Variants in SSU72 observed in about 807,000 individuals in gnomAD.
SSU72 encodes the protein RNA polymerase II subunit A C-terminal domain phosphatase SSU72.
In SSU72, 12 loss-of-function variants were observed where a neutral mutation model predicts 22.7. That is an observed-to-expected ratio of 0.53 (90% CI 0.34 to 0.86). The LOEUF (loss-of-function observed/expected upper bound fraction) is 0.86, where lower values mean the gene tolerates loss of function less well. Among genes scored for constraint, SSU72 ranks in the 40% least tolerant of loss-of-function variants. SSU72 has a pLI of 0.02. For synonymous variants in SSU72, 116 were observed against 98.3 expected, an observed-to-expected ratio of 1.18 and a Z score of -1.06; for missense variants, 151 against 249.8, an observed-to-expected ratio of 0.60 and a Z score of 2.67.
intron 1 of SSU72, among the ~76,000 whole-genome samples, chr1:1,570,671 A>C (rs989470454): frequency 1.3e-5 from 2 of 152,236 alleles, no homozygotes; most frequent in Non-Finnish European, 2.9e-5. Context: ...TCGTGGCAAA[A>C]AAAGGAAACT....
At chr1:1,548,567 A>AC (rs1469481261) in intron 2 of SSU72, among the ~76,000 whole-genome samples, 2 of 151,334 alleles carry the variant, frequency 1.3e-5, no homozygotes, top group African/African-American at 4.8e-5. Flanking sequence ...AAAAAAAAAA[A>AC]AAAAAAAAAC....
intron 2 of SSU72, among the ~76,000 whole-genome samples, chr1:1,557,178 C>T (rs1179351641): frequency 2.6e-5 from 4 of 152,160 alleles, no homozygotes; most frequent in South Asian, 2.1e-4. Flanking sequence ...TTTGGGTGGC[C>T]GAGGCGGGTG....
chr1:1,549,654 T>C (rs944748220), intron 2 of SSU72, among the ~76,000 whole-genome samples: 3 of 150,932 alleles, frequency 2.0e-5, no homozygotes, highest in Middle Eastern at 3.5e-3. Context: ...GCCTGACCAA[T>C]ATGGCAAAAC....
At chr1:1,572,310 C>T (rs1465140830) in intron 1 of SSU72, among the ~76,000 whole-genome samples, 1 of 140,804 alleles carries the variant, frequency 7.1e-6, no homozygotes, top group African/African-American at 2.6e-5. Context: ...CGCCTGTAGT[C>T]CCAGCTACTC....
At chr1:1,561,516 G>A (rs1283744926) in intron 2 of SSU72, 1 of 152,274 alleles carries the variant, frequency 6.6e-6, no homozygotes, top group Admixed American at 6.5e-5. Context: ...CTGTGGGGCA[G>A]ATTTGCTTTC....
chr1:1,574,198 C>A (rs957684641), intron 1 of SSU72, among the ~76,000 whole-genome samples: 3 of 152,170 alleles, frequency 2.0e-5, no homozygotes, highest in Admixed American at 2.0e-4. Context: ...CGCAGCCCCT[C>A]GCCGCGGACG....
intron 1 of SSU72, among the ~76,000 whole-genome samples, chr1:1,571,679 CCACTCTGAA>C (rs1400008162): frequency 6.6e-6 from 1 of 152,168 alleles, no homozygotes; most frequent in Non-Finnish European, 1.5e-5. Flanking sequence ...CGGCCACTGG[CCACTCTGAA>C]CTAAAAAGGA....
At chr1:1,565,647 G>A (rs1416332633) in intron 1 of SSU72, among the ~76,000 whole-genome samples, 2 of 152,264 alleles carry the variant, frequency 1.3e-5, no homozygotes, top group Non-Finnish European at 2.9e-5. Context: ...CATGGGAACC[G>A]AGACCCAACA....
Position 1,574,474 on chromosome 1 carries a change from C to A in SSU72, c.80+4G>T. On this transcript the variant is annotated splice_donor_region_variant and intron_variant, in intron 1 of 4. Coordinates refer to ENST00000291386, the MANE Select transcript of SSU72 (RefSeq NM_014188.3). ...CGCGCGGGGACAGGGTGGAGCCCAACTACCTGAGGATGTTGTGCGCCTCCA... is the reference window on the plus strand; with the variant it reads ...CGCGCGGGGACAGGGTGGAGCCCAAATACCTGAGGATGTTGTGCGCCTCCA... The A allele has an allele frequency of 6.3e-7, 1 of 1,594,528 alleles. No individual in the cohort carries two copies. The highest frequency in any genetic ancestry group is 8.5e-7 in the Non-Finnish European group (1 of 1,172,676).
chr1:1,550,243 G>A (rs1642440025), intron 2 of SSU72, among the ~76,000 whole-genome samples: 1 of 150,866 alleles, frequency 6.6e-6, no homozygotes, highest in Non-Finnish European at 1.5e-5. Flanking sequence ...AAGTCCACAT[G>A]CCACCCAACC....
chr1:1,568,215 T>A (rs1245114461), intron 1 of SSU72, among the ~76,000 whole-genome samples: 1 of 152,244 alleles, frequency 6.6e-6, no homozygotes, highest in Non-Finnish European at 1.5e-5. Context: ...AAAACACTCC[T>A]GACACCAACA....
intron 2 of SSU72, among the ~76,000 whole-genome samples, chr1:1,551,351 C>T (rs753685010): frequency 6.6e-5 from 10 of 152,232 alleles, no homozygotes; most frequent in Non-Finnish European, 1.0e-4. Context: ...ATGGGGAGGA[C>T]CCCAGAGGCT....
intron 1 of SSU72, 68 bp downstream of exon 1, chr1:1,574,410 G>T: frequency 2.0e-6 from 3 of 1,506,732 alleles, no homozygotes; most frequent in South Asian, 2.4e-5. Flanking sequence ...CGGGCCAGGG[G>T]GAACCGGGGA....
chr1:1,548,584 G>C (rs1002917639), intron 2 of SSU72, among the ~76,000 whole-genome samples: 4 of 150,996 alleles, frequency 2.6e-5, no homozygotes, highest in African/African-American at 9.7e-5. Context: ...AAACTCCCAA[G>C]GATGGGCCAA....
intron 2 of SSU72, chr1:1,545,968 T>C (rs3766177): frequency 0.26 from 39,771 of 152,158 alleles, 5,508 homozygotes; most frequent in East Asian, 0.49. Context: ...GGGTGAACGC[T>C]GACACACACC....
chr1:1,549,072 C>G (rs1038167826), intron 2 of SSU72, among the ~76,000 whole-genome samples: 1 of 151,762 alleles, frequency 6.6e-6, no homozygotes, highest in Non-Finnish European at 1.5e-5. Context: ...CAGGAGGGAC[C>G]CAGAGAGATC....
At chr1:1,563,694 A>C (rs1424474697) in intron 2 of SSU72, 1 of 152,184 alleles carries the variant, frequency 6.6e-6, no homozygotes, top group Non-Finnish European at 1.5e-5. Flanking sequence ...ACTACTAAAA[A>C]TACAAAAATT....
At position 1,574,467 on chromosome 1, in the gene SSU72, A is replaced by G. The variant is rs1209240254; in HGVS notation, c.80+11T>C. 1.3e-6 allele frequency: 2 copies of G among 1,592,612 alleles called. No individual in the cohort carries two copies. Among genetic ancestry groups the G allele is most frequent in the Non-Finnish European group, 1.7e-6 (2 of 1,171,888 alleles). On this transcript the variant is annotated intron_variant, in intron 1 of 4. Transcript: ENST00000291386. ...AGCAGAGCGCGCGGGGACAGGGTGG[A>G]GCCCAACTACCTGAGGATGTTGTGC... is the stretch of plus-strand genomic sequence containing the variant.
rs995907243 is a variant in SSU72 at position 1,574,833 on chromosome 1, C to G, written c.-276G>C. On this transcript the variant is annotated 5_prime_UTR_variant, in exon 1 of 5. Transcript: ENST00000291386. ...GGCCCCCGGCGTCCGCAGCAGAGAC[C>G]CGCACTCCACAAGGCCCGGCTGAGC... 1.2e-5 allele frequency: 4 copies of G among 340,146 alleles called. No homozygotes were observed. The highest frequency in any genetic ancestry group is 4.5e-5 in the African/African-American group (2 of 44,902). 21.1% of individuals were successfully genotyped at this position (340,146 alleles called of 1,614,324 possible).
Sources: gnomAD v4.1 joint callset for allele counts (sites outside exome capture counted in the v4.1 genomes callset) on GRCh38, gnomAD v4.1.1 for gene constraint, MANE v1.5 for transcripts, NCBI Gene and HGNC (gene_info 2026-07-23, HGNC 2026-07-21) for gene names.